RAPGEF1: variants seen among roughly 807,000 people sequenced by gnomAD.
RAPGEF1 encodes the protein Rap guanine nucleotide exchange factor 1, also known as CRK SH3-binding GNRP.
A neutral mutation model predicts 143.3 loss-of-function variants in RAPGEF1; 33 were observed. The observed-to-expected ratio is 0.23, with a 90% confidence interval of 0.17 to 0.31. The LOEUF is 0.31. RAPGEF1 is among the 10% of genes least tolerant of loss of function. The probability of loss-of-function intolerance (pLI) is 1.00; values close to 1 mark genes in which losing one functional copy is unlikely to be tolerated. For missense variants in RAPGEF1, 1,199 were observed against 1,645.4 expected (o/e 0.73, Z 4.69); for synonymous variants, 629 against 676.5 (o/e 0.93, Z 1.09).
intron 16 of RAPGEF1, among the ~76,000 whole-genome samples, chr9:131,597,818 A>C (rs1472871365): frequency 2.0e-5 from 3 of 152,044 alleles, no homozygotes; most frequent in Non-Finnish European, 4.4e-5. Flanking sequence ...TCCCAGACTG[A>C]AGCTACAGTG....
chr9:131,628,195 A>G lies in RAPGEF1; in HGVS notation c.1018-99T>C. ...GGTGCATTTACTTAGAGAAGGAAATACTGCCAGGCGAACTCAGAAACCACC... is the reference window on the plus strand; with the variant it reads ...GGTGCATTTACTTAGAGAAGGAAATGCTGCCAGGCGAACTCAGAAACCACC... On this transcript the variant is annotated intron_variant, in intron 8 of 26. Coordinates refer to ENST00000683357, the MANE Select transcript of RAPGEF1 (RefSeq NM_001377935.1). The surrounding 1 kb of genome is among the most constrained non-coding windows in gnomAD (Gnocchi z 5.7). 1 of 1,161,646 alleles carries G rather than the reference A, an allele frequency of 8.6e-7. No homozygotes were observed. Among genetic ancestry groups the G allele is most frequent in the Non-Finnish European group, 1.2e-6 (1 of 849,170 alleles). The allele number at this position is 1,161,646 out of a possible 1,614,324, so 72.0% of individuals were successfully genotyped here. A position where few individuals can be genotyped will look rare whatever the true frequency, so the allele number is the denominator to read the frequency against.
chr9:131,628,600 G>T lies in RAPGEF1; in HGVS notation c.966C>A (p.Pro322=). ...TGGAGCCACTGGTGGCTCGGCTCAT[G>T]GGGGCCACCACAGCCACTCGGGTAG... ...PSPTRVAVVA[P]MSRATSGSSL... The change falls in exon 8 of 27, where the codon CCC becomes CCA. Residue 322 remains proline, a synonymous_variant. Transcript: ENST00000683357. This position sits in a 1 kb window ranked among gnomAD's most constrained non-coding sequence, Gnocchi z 5.7. The T allele has an allele frequency of 6.2e-7, 1 of 1,613,262 alleles. No individual in the cohort carries two copies. Among genetic ancestry groups the T allele is most frequent in the South Asian group, 1.1e-5 (1 of 91,068 alleles).
At chr9:131,737,474 A>G in intron 1 of RAPGEF1, 1 of 1,613,662 alleles carries the variant, frequency 6.2e-7, no homozygotes, top group South Asian at 1.1e-5. Context: ...TAGGTTAGAC[A>G]AGCTTCTCTG....
At chr9:131,624,703 C>T (rs956159644) in intron 10 of RAPGEF1, among the ~76,000 whole-genome samples, 1 of 152,208 alleles carries the variant, frequency 6.6e-6, no homozygotes, top group African/African-American at 2.4e-5. Context: ...AACACTTGTC[C>T]ATGCAGAGGG....
At chr9:131,604,155 G>A in intron 13 of RAPGEF1, 102 bp from the exon 14 acceptor site, 1 of 649,056 alleles carries the variant, frequency 1.5e-6, no homozygotes, top group Non-Finnish European at 2.4e-6. Context: ...GGTCTTCCCA[G>A]GTGCAGAGAG....
intron 11 of RAPGEF1, among the ~76,000 whole-genome samples, chr9:131,620,779 G>A (rs1362904234): frequency 6.6e-6 from 1 of 152,228 alleles, no homozygotes; most frequent in Non-Finnish European, 1.5e-5. Flanking sequence ...AGCCCCAGGT[G>A]ATTGATTATA....
At position 131,602,076 on chromosome 9, in the gene RAPGEF1, C is replaced by T; in HGVS notation, c.2486G>A (p.Arg829Lys). The change falls in exon 15 of 27, where the codon AGA becomes AAA. Residue 829 changes from arginine (R) to lysine (K), a missense_variant. Arg to Lys is a conservative substitution (Grantham distance 26, BLOSUM62 2). Around this residue, in one of 6 missense-constraint regions of RAPGEF1, gnomAD observed 293 missense variants for 356.2 expected, o/e 0.82. Coordinates refer to ENST00000683357, the MANE Select transcript of RAPGEF1 (RefSeq NM_001377935.1). ...CACTTCCTACCTCTCACTGCCGTCT[C>T]TGCTGTCCTTCCCAGGGACGCCGCT... ...AVSGVPGKDSRDGSERAPKSP... is the reference protein window; with the variant it reads ...AVSGVPGKDSKDGSERAPKSP... 1 of 1,602,488 alleles carries T rather than the reference C, an allele frequency of 6.2e-7. No homozygotes were observed. The highest frequency in any genetic ancestry group is 1.1e-5 in the South Asian group (1 of 89,234).
At chr9:131,617,892 T>A (rs1959263312) in intron 12 of RAPGEF1, among the ~76,000 whole-genome samples, 1 of 152,188 alleles carries the variant, frequency 6.6e-6, no homozygotes, top group African/African-American at 2.4e-5. Context: ...TAAGTTTCAT[T>A]TTAACAGACG....
At chr9:131,706,649 A>C (rs749468217) in intron 1 of RAPGEF1, among the ~76,000 whole-genome samples, 2 of 152,146 alleles carry the variant, frequency 1.3e-5, no homozygotes, top group Non-Finnish European at 2.9e-5. Context: ...TTTCAAGAAA[A>C]AGACAAATAA....
intron 12 of RAPGEF1, among the ~76,000 whole-genome samples, chr9:131,605,422 G>GCTAT (rs1321823538): frequency 1.3e-5 from 2 of 152,136 alleles, no homozygotes; most frequent in Admixed American, 6.6e-5. Flanking sequence ...TGTCCTCAGG[G>GCTAT]CTATCTAAAC....
intron 22 of RAPGEF1, among the ~76,000 whole-genome samples, chr9:131,587,043 T>A (rs1443621710): frequency 1.9e-5 from 1 of 53,146 alleles, no homozygotes. Context: ...CACACACCCC[T>A]GCAGAGCGAG....
chr9:131,585,433 G>A (rs1004996059), intron 22 of RAPGEF1, among the ~76,000 whole-genome samples: 5 of 152,102 alleles, frequency 3.3e-5, no homozygotes, highest in Admixed American at 6.5e-5. Flanking sequence ...CTCCTGCCTC[G>A]GCCTCCCAAA....
intron 14 of RAPGEF1, 67 bp downstream of exon 14, chr9:131,603,894 T>G: frequency 9.7e-7 from 1 of 1,026,030 alleles, no homozygotes. Context: ...GGAAGCGGCC[T>G]CGGGAGGGCA....
intron 1 of RAPGEF1, among the ~76,000 whole-genome samples, chr9:131,709,035 C>T (rs1652627038): frequency 6.6e-6 from 1 of 152,112 alleles, no homozygotes; most frequent in Non-Finnish European, 1.5e-5. Context: ...GCCTGGCTGA[C>T]TTGGAACATT....
At chr9:131,712,213 G>A (rs755991269) in intron 1 of RAPGEF1, among the ~76,000 whole-genome samples, 33 of 152,184 alleles carry the variant, frequency 2.2e-4, no homozygotes, top group Non-Finnish European at 2.6e-4. Context: ...CTGGAATAAA[G>A]CACAGGGAAC....
Position 131,653,890 on chromosome 9 carries a change from T to C in RAPGEF1, c.62-2941A>G, listed in dbSNP as rs1971744102. Among the ~76,000 whole-genome samples, 9 of 152,344 alleles carry C rather than the reference T, an allele frequency of 5.9e-5. No homozygotes were observed. The South Asian group carries it at 1.9e-3, about 32-fold the overall frequency. ...GGTGGGAAAAACTCAAATGTCCATG[T>C]TTGTGAATGACTAAATAAAATGTAT... On this transcript the variant is annotated intron_variant, in intron 1 of 26. Transcript: ENST00000683357.
intron 17 of RAPGEF1, 50 bp from the exon 18 acceptor site, chr9:131,592,233 G>C (rs756616176): frequency 7.5e-6 from 11 of 1,459,276 alleles, no homozygotes; most frequent in East Asian, 2.3e-5. Flanking sequence ...AGAGTGCTGG[G>C]GGGTGGTAGC....
chr9:131,727,917 CT>C (rs1378163401), intron 1 of RAPGEF1, among the ~76,000 whole-genome samples: 1 of 152,180 alleles, frequency 6.6e-6, no homozygotes, highest in African/African-American at 2.4e-5. Context: ...TCTTGACAAG[CT>C]GAGGCAGAAG....
intron 17 of RAPGEF1, among the ~76,000 whole-genome samples, 169 bp downstream of exon 17, chr9:131,596,129 T>A (rs1588288122): frequency 6.6e-6 from 1 of 152,142 alleles, no homozygotes; most frequent in African/African-American, 2.4e-5. Flanking sequence ...GAACATGATC[T>A]ACTTGTCTTC....
Sources: allele counts gnomAD v4.1 joint callset (sites outside exome capture counted in the v4.1 genomes callset), GRCh38; gene constraint gnomAD v4.1.1; regional missense constraint gnomAD v4.1.1; non-coding constraint Gnocchi (gnomAD v3.1); transcripts MANE v1.5; gene names NCBI Gene and HGNC (gene_info 2026-07-23, HGNC 2026-07-21).